The following HDAC4 variants were observed in gnomAD, a reference collection of about 807,000 sequenced individuals.
HDAC4 encodes histone deacetylase 4, also known as histone deacetylase A.
A neutral mutation model predicts 135.1 loss-of-function variants in HDAC4; 16 were observed. That is an observed-to-expected ratio of 0.12 (90% CI 0.08 to 0.18). The LOEUF (loss-of-function observed/expected upper bound fraction) is 0.18, where lower values mean the gene tolerates loss of function less well. HDAC4 is among the 10% of genes least tolerant of loss of function. The probability of loss-of-function intolerance (pLI) is 1.00; values close to 1 mark genes in which losing one functional copy is unlikely to be tolerated. For synonymous variants in HDAC4, 685 were observed against 653.4 expected, an observed-to-expected ratio of 1.05 and a Z score of -0.74; for missense variants, 1,143 against 1,511.8, an observed-to-expected ratio of 0.76 and a Z score of 4.05.
intron 3 of HDAC4, among the ~76,000 whole-genome samples, chr2:239,195,969 G>C (rs544362121): frequency 6.6e-6 from 1 of 152,282 alleles, no homozygotes; most frequent in African/African-American, 2.4e-5. Context: ...CTCTTCTCAG[G>C]ACGCGATTTC....
At chr2:239,061,167 G>A (rs148022340) in intron 24 of HDAC4, among the ~76,000 whole-genome samples, 76 of 152,308 alleles carry the variant, frequency 5.0e-4, no homozygotes, top group African/African-American at 1.7e-3. Flanking sequence ...AAGCATTCAT[G>A]TGTATGAATG....
At chr2:239,160,205 G>T (rs150811081) in intron 6 of HDAC4, among the ~76,000 whole-genome samples, 51 of 152,156 alleles carry the variant, frequency 3.4e-4, no homozygotes, top group African/African-American at 1.2e-3. Context: ...TTTAGTATTC[G>T]ATTAAACCAT....
At chr2:239,213,306 G>A (rs945366461) in intron 3 of HDAC4, among the ~76,000 whole-genome samples, 4 of 152,204 alleles carry the variant, frequency 2.6e-5, no homozygotes, top group Admixed American at 6.5e-5. Context: ...AGCCGTGGCG[G>A]ATGCTGAAAA....
At chr2:239,072,265 A>G (rs1046681076) in intron 22 of HDAC4, among the ~76,000 whole-genome samples, 1 of 152,226 alleles carries the variant, frequency 6.6e-6, no homozygotes, top group East Asian at 1.9e-4. Context: ...ATTTTGGTGC[A>G]GAAACATTTT....
intron 1 of HDAC4, among the ~76,000 whole-genome samples, chr2:239,387,401 G>A (rs990004820): frequency 6.6e-6 from 1 of 152,182 alleles, no homozygotes; most frequent in Non-Finnish European, 1.5e-5. Flanking sequence ...CGCCACCAAC[G>A]CAATGCCCAG....
chr2:239,260,862 C>T (rs1303503240), intron 2 of HDAC4, among the ~76,000 whole-genome samples: 2 of 152,188 alleles, frequency 1.3e-5, no homozygotes, highest in Non-Finnish European at 2.9e-5. Flanking sequence ...TGGGGACTCA[C>T]ACCTTGAACC....
At chr2:239,377,674 A>AG in intron 1 of HDAC4, among the ~76,000 whole-genome samples, 1 of 152,334 alleles carries the variant, frequency 6.6e-6, no homozygotes, top group East Asian at 1.9e-4. Flanking sequence ...GCTTCTCACA[A>AG]GGGGCAGGGC....
intron 1 of HDAC4, among the ~76,000 whole-genome samples, chr2:239,387,957 G>A (rs950350981): frequency 4.6e-5 from 7 of 152,142 alleles, no homozygotes; most frequent in East Asian, 3.9e-4. Context: ...GCTTGGGGCC[G>A]CAGTGGCCAC....
chr2:239,314,198 T>C (rs1050225331), intron 2 of HDAC4, among the ~76,000 whole-genome samples: 2 of 152,120 alleles, frequency 1.3e-5, no homozygotes, highest in African/African-American at 4.8e-5. Context: ...GAACACGCTA[T>C]GAACCTCAAA....
chr2:239,078,646 C>T (rs1195736940), intron 22 of HDAC4, among the ~76,000 whole-genome samples: 1 of 152,218 alleles, frequency 6.6e-6, no homozygotes, highest in Non-Finnish European at 1.5e-5. Flanking sequence ...AAAGCACACG[C>T]CAAGAGCAAC....
chr2:239,273,892 G>A (rs1425976795), intron 2 of HDAC4, among the ~76,000 whole-genome samples: 1 of 152,202 alleles, frequency 6.6e-6, no homozygotes, highest in Non-Finnish European at 1.5e-5. Flanking sequence ...AAAAAGAAAA[G>A]AGACTGAAAA....
intron 2 of HDAC4, among the ~76,000 whole-genome samples, chr2:239,302,421 G>A (rs915109635): frequency 6.6e-6 from 1 of 152,256 alleles, no homozygotes; most frequent in African/African-American, 2.4e-5. Context: ...AGAGAGAGGA[G>A]GCCCTTCCAC....
In HDAC4 at chr2:239,327,942, G is replaced by T. The variant is rs189718679; in HGVS notation, c.22+24736C>A. On this transcript the variant is annotated intron_variant, in intron 2 of 26. Coordinates refer to ENST00000543185, the MANE Select transcript of HDAC4 (RefSeq NM_001378414.1). ...CGCATACACACCATCCAGGGGCCTGGGGTGGCTGCCATTTCTTCTGAATGT... is the reference window on the plus strand; with the variant it reads ...CGCATACACACCATCCAGGGGCCTGTGGTGGCTGCCATTTCTTCTGAATGT... 1.6e-4 allele frequency among the ~76,000 whole-genome samples: 25 copies of T among 152,304 alleles called. No homozygotes were observed. In the East Asian group the frequency reaches 4.8e-3, roughly 29 times the overall value.
chr2:239,347,174 A>C (rs1692779411), intron 2 of HDAC4, among the ~76,000 whole-genome samples: 1 of 146,520 alleles, frequency 6.8e-6, no homozygotes, highest in Non-Finnish European at 1.5e-5. Context: ...TGCCATAAAA[A>C]TGCATCTTTA....
intron 1 of HDAC4, among the ~76,000 whole-genome samples, chr2:239,379,045 G>C (rs1307035372): frequency 6.6e-6 from 1 of 152,216 alleles, no homozygotes; most frequent in Non-Finnish European, 1.5e-5. Context: ...AAGGTAAAGA[G>C]GAAGTGCCCT....
In HDAC4 at chr2:239,262,112, C is replaced by T. The variant is rs1435478170; in HGVS notation, c.23-25448G>A. Among the ~76,000 whole-genome samples, 6 of 152,208 alleles carry T rather than the reference C, an allele frequency of 3.9e-5. No homozygotes were observed. The highest frequency in any genetic ancestry group is 8.8e-5 in the Non-Finnish European group (6 of 68,040). On this transcript the variant is annotated intron_variant, in intron 2 of 26. Coordinates refer to ENST00000543185, the MANE Select transcript of HDAC4 (RefSeq NM_001378414.1). The surrounding 1 kb of genome is among the most constrained non-coding windows in gnomAD (Gnocchi z 4.1). Reference sequence around the variant, plus strand: ...GACCCTCCCAACCACGCCAGCGCCGCCTGCAGTGACGCCGGGCCACGCTCA... The same window carrying T: ...GACCCTCCCAACCACGCCAGCGCCGTCTGCAGTGACGCCGGGCCACGCTCA...
At chr2:239,085,957 G>A (rs923670108) in intron 19 of HDAC4, 15 of 138,376 alleles carry the variant, frequency 1.1e-4, no homozygotes, top group African/African-American at 3.9e-4. Context: ...TATCTCGCAC[G>A]TACAGTCTCT....
At chr2:239,355,551 G>A (rs1420296839) in intron 1 of HDAC4, among the ~76,000 whole-genome samples, 2 of 152,082 alleles carry the variant, frequency 1.3e-5, no homozygotes. Context: ...GCTTCTCTTT[G>A]TTGAGCCAGG....
intron 11 of HDAC4, among the ~76,000 whole-genome samples, chr2:239,131,086 A>G (rs2040548051): frequency 6.6e-6 from 1 of 152,244 alleles, no homozygotes; most frequent in Non-Finnish European, 1.5e-5. Flanking sequence ...CCACGTGCGG[A>G]GTGCCGCACT....
Sources: allele counts gnomAD v4.1 joint callset (sites outside exome capture counted in the v4.1 genomes callset), GRCh38; gene constraint gnomAD v4.1.1; non-coding constraint Gnocchi (gnomAD v3.1); transcripts MANE v1.5; gene names NCBI Gene and HGNC (gene_info 2026-07-23, HGNC 2026-07-21).